MAD1L1: variants seen among roughly 807,000 people sequenced by gnomAD.
MAD1L1 encodes the protein mitotic spindle assembly checkpoint protein MAD1.
MAD1L1 carries 95 observed loss-of-function variants against 96.9 expected under a neutral mutation model. The observed-to-expected ratio is 0.98, with a 90% confidence interval of 0.83 to 1.16. The LOEUF is 1.16. Ranked by LOEUF, MAD1L1 falls within the 50% of genes most tolerant of loss-of-function variation. The probability of loss-of-function intolerance (pLI) is 0.00; values close to 1 mark genes in which losing one functional copy is unlikely to be tolerated. For synonymous variants in MAD1L1, 473 were observed against 396.6 expected (o/e 1.19, Z -2.29); for missense variants, 1,007 against 954.4 (o/e 1.06, Z -0.73).
At chr7:2,087,524 T>C (rs1303378216) in intron 11 of MAD1L1, among the ~76,000 whole-genome samples, 2 of 151,964 alleles carry the variant, frequency 1.3e-5, no homozygotes, top group Admixed American at 6.6e-5. Context: ...TGGGCAACAG[T>C]GTGAGACTCC....
chr7:1,864,457 T>A (rs1331772091), intron 18 of MAD1L1, among the ~76,000 whole-genome samples: 1 of 152,196 alleles, frequency 6.6e-6, no homozygotes, highest in African/African-American at 2.4e-5. Context: ...ATTATCCAAA[T>A]TGCTTCTGGC....
intron 18 of MAD1L1, chr7:1,845,952 G>A (rs1783596991): frequency 6.5e-6 from 1 of 152,846 alleles, no homozygotes. Context: ...CCAAGGGAGG[G>A]GAGGTGCTCA....
chr7:2,168,032 C>A (rs958596898), intron 10 of MAD1L1, among the ~76,000 whole-genome samples: 1 of 152,336 alleles, frequency 6.6e-6, no homozygotes, highest in South Asian at 2.1e-4. Flanking sequence ...CGCCTGTAAT[C>A]CCAGCACTTT....
chr7:2,129,774 C>T (rs1275997793), intron 11 of MAD1L1, among the ~76,000 whole-genome samples: 1 of 152,196 alleles, frequency 6.6e-6, no homozygotes, highest in Non-Finnish European at 1.5e-5. Context: ...GCTCTCTGCA[C>T]CCCAGGCTCG....
chr7:1,857,242 G>A (rs893122445), intron 18 of MAD1L1, among the ~76,000 whole-genome samples: 5 of 152,230 alleles, frequency 3.3e-5, no homozygotes, highest in African/African-American at 7.2e-5. Flanking sequence ...AGGAGGCACG[G>A]CTGTCCCACG....
intron 10 of MAD1L1, among the ~76,000 whole-genome samples, chr7:2,169,595 G>A (rs190104937): frequency 1.5e-4 from 23 of 152,328 alleles, no homozygotes; most frequent in African/African-American, 4.8e-4. Context: ...CAGGCTCCGC[G>A]CTGCGTGCAA....
At chr7:2,035,166 C>T (rs1783408838) in intron 12 of MAD1L1, among the ~76,000 whole-genome samples, 1 of 152,282 alleles carries the variant, frequency 6.6e-6, no homozygotes, top group African/African-American at 2.4e-5. Context: ...CACATGACCC[C>T]ACAGACAACC....
At chr7:1,938,840 GCACACACACACACACA>G (rs72439038) in intron 16 of MAD1L1, among the ~76,000 whole-genome samples, 1 of 90,982 alleles carries the variant, frequency 1.1e-5, no homozygotes, top group African/African-American at 4.9e-5. Context: ...GGGGCCAGAG[GCACACACACACACACA>G]CACACACACA....
chr7:1,976,299 G>A, intron 15 of MAD1L1, among the ~76,000 whole-genome samples: 1 of 152,224 alleles, frequency 6.6e-6, no homozygotes, highest in Non-Finnish European at 1.5e-5. Flanking sequence ...AAGATGGTGT[G>A]TCTGGAGTTT....
intron 12 of MAD1L1, among the ~76,000 whole-genome samples, chr7:2,065,438 C>T (rs565688194): frequency 2.2e-4 from 34 of 152,304 alleles, no homozygotes; most frequent in African/African-American, 7.0e-4. Flanking sequence ...TGTTTGTGGA[C>T]GGTTTTTTGA....
chr7:2,111,800 A>AAACGCACACACCGCG (rs1296450525), intron 11 of MAD1L1, among the ~76,000 whole-genome samples: 74 of 151,976 alleles, frequency 4.9e-4, no homozygotes, highest in Admixed American at 2.5e-3. Flanking sequence ...CACACACAGC[A>AAACGCACACACCGCG]AACGCACACA....
At chr7:1,867,094 G>A (rs1463514794) in intron 18 of MAD1L1, among the ~76,000 whole-genome samples, 1 of 152,230 alleles carries the variant, frequency 6.6e-6, no homozygotes, top group Non-Finnish European at 1.5e-5. Flanking sequence ...TGCAGTACTT[G>A]GAGATCTAGG....
chr7:1,849,251 GGA>G (rs1303652833), intron 18 of MAD1L1: 1 of 152,250 alleles, frequency 6.6e-6, no homozygotes, highest in African/African-American at 2.4e-5. Context: ...CTGCTCTGTG[GGA>G]GGCCCCTCAT....
At position 1,817,837 on chromosome 7, in the gene MAD1L1, T is replaced by C. The variant is rs1348775507; in HGVS notation, c.1999-1609A>G. Among the ~76,000 whole-genome samples, 7 of 152,140 alleles carry C rather than the reference T, an allele frequency of 4.6e-5. No individual in the cohort carries two copies. The East Asian group carries it at 1.4e-3, about 29-fold the overall frequency. ...TCCAGCTTGGTCCTGGCAGCTCCCC[T>C]GTCCACCGGAGCATGCCTGGGCTGG... is the stretch of plus-strand genomic sequence containing the variant. On this transcript the variant is annotated intron_variant, in intron 18 of 18. Coordinates refer to ENST00000265854, the MANE Select transcript of MAD1L1 (RefSeq NM_001013836.2).
Position 2,069,299 on chromosome 7 carries a change from C to T in MAD1L1, c.1113G>A (p.Glu371=), listed in dbSNP as rs780156836. 6.2e-7 allele frequency: 1 copy of T among 1,608,858 alleles called. No individual in the cohort carries two copies. The highest frequency in any genetic ancestry group is 1.3e-5 in the African/African-American group (1 of 74,942). ...GCTGGCCGCTGACCTGCCGGAGCTC[C>T]TCCTGCAGCTGCTGCCTGGCCTTCT... ...GLEKARQQLQ[E]ELRQVSGQLL... is the part of the protein sequence containing the mutation. Residue 371 remains glutamate, a synonymous_variant, in exon 12 of 19, where the codon GAG becomes GAA. Coordinates refer to ENST00000265854, the MANE Select transcript of MAD1L1 (RefSeq NM_001013836.2).
At chr7:2,184,677 G>T (rs1283748479) in intron 10 of MAD1L1, among the ~76,000 whole-genome samples, 1 of 152,156 alleles carries the variant, frequency 6.6e-6, no homozygotes, top group East Asian at 1.9e-4. Context: ...AGCAAACGGG[G>T]AAACAAACAA....
At chr7:1,915,734 CG>C (rs777676543) in intron 17 of MAD1L1, among the ~76,000 whole-genome samples, 2 of 152,194 alleles carry the variant, frequency 1.3e-5, no homozygotes, top group Non-Finnish European at 1.5e-5. Flanking sequence ...TTTCCGCCAG[CG>C]GGGCCAAAAC....
intron 10 of MAD1L1, among the ~76,000 whole-genome samples, chr7:2,179,387 G>C (rs914736234): frequency 6.6e-6 from 1 of 152,048 alleles, no homozygotes; most frequent in Non-Finnish European, 1.5e-5. Context: ...AATTAGCCGG[G>C]CATGGTGGCG....
chr7:2,224,054 A>T (rs1793752250), intron 4 of MAD1L1, among the ~76,000 whole-genome samples: 1 of 152,094 alleles, frequency 6.6e-6, no homozygotes, highest in Non-Finnish European at 1.5e-5. Context: ...GAGACCCTAC[A>T]ATGACCCCTC....
Sources: gnomAD v4.1 joint callset for allele counts (sites outside exome capture counted in the v4.1 genomes callset) on GRCh38, gnomAD v4.1.1 for gene constraint, MANE v1.5 for transcripts, NCBI Gene and HGNC (gene_info 2026-07-23, HGNC 2026-07-21) for gene names.